CFAP418: variants seen among roughly 807,000 people sequenced by gnomAD.
The protein encoded by CFAP418 is cilia- and flagella-associated protein 418.
A neutral mutation model predicts 24.7 loss-of-function variants in CFAP418; 27 were observed. The ratio of observed to expected loss-of-function variants is 1.09; its 90% CI spans 0.81 to 1.51. The LOEUF (loss-of-function observed/expected upper bound fraction) is 1.51, where lower values mean the gene tolerates loss of function less well. CFAP418 is among the 40% of genes most tolerant of loss of function. The probability of loss-of-function intolerance (pLI) is 0.00; values close to 1 mark genes in which losing one functional copy is unlikely to be tolerated. For synonymous variants in CFAP418, 74 were observed against 87.3 expected (o/e 0.85, Z 0.85); for missense variants, 257 against 255.2 (o/e 1.01, Z -0.05).
In CFAP418 at chr8:95,260,486, A is replaced by G. The variant is rs1365130476; in HGVS notation, c.290T>C (p.Ile97Thr). The change falls in exon 3 of 6, where the codon ATT becomes ACT. Residue 97 changes from isoleucine to threonine, a missense_variant. Coordinates refer to ENST00000286688, the MANE Select transcript of CFAP418 (RefSeq NM_177965.4). Reference sequence around the variant, plus strand: ...AACTTACCTTTTACCAAGGCCTTCAATGGAAGCTCTGACAGATGTGTTACC... The same window carrying G: ...AACTTACCTTTTACCAAGGCCTTCAGTGGAAGCTCTGACAGATGTGTTACC... ...SSGNTSVRAS[I>T]EGLGKSCSPV... 2 of 1,590,010 alleles carry G rather than the reference A, an allele frequency of 1.3e-6. No homozygotes were observed. The highest frequency in any genetic ancestry group is 2.3e-5 in the East Asian group (1 of 43,652).
At chr8:95,250,757 C>T (rs184653271) in intron 5 of CFAP418, among the ~76,000 whole-genome samples, 102 of 152,262 alleles carry the variant, frequency 6.7e-4, no homozygotes, top group Non-Finnish European at 1.2e-3. Flanking sequence ...GGGTTGGAAA[C>T]TGTAAAATTT....
intron 4 of CFAP418, among the ~76,000 whole-genome samples, chr8:95,256,748 A>C (rs148054362): frequency 1.5e-4 from 23 of 152,384 alleles, no homozygotes; most frequent in Middle Eastern, 3.4e-3. Context: ...ATCAATCTGC[A>C]GTGTGTGAAT....
intron 4 of CFAP418, among the ~76,000 whole-genome samples, chr8:95,258,534 T>G (rs35432451): frequency 0.063 from 9,573 of 151,908 alleles, 396 homozygotes; most frequent in Non-Finnish European, 0.088. Flanking sequence ...AATAAAAAAA[T>G]TTATAAATGA....
At chr8:95,251,124 A>AATCATATAT (rs1250742916) in intron 5 of CFAP418, among the ~76,000 whole-genome samples, 6 of 152,246 alleles carry the variant, frequency 3.9e-5, no homozygotes, top group African/African-American at 1.2e-4. Flanking sequence ...AAATTATATA[A>AATCATATAT]ATATGAGCAA....
At position 95,247,672 on chromosome 8, in the gene CFAP418, T is replaced by C. The variant is rs1358403637; in HGVS notation, c.569A>G (p.Glu190Gly). The change falls in exon 6 of 6, where the codon GAA becomes GGA. Residue 190 changes from glutamate to glycine, a missense_variant. Transcript: ENST00000286688. ...ATGATCTGTCTGAAGGTCAGTCACT[T>C]CTTCAATAGTTCTCCAGCTACACTG... ...ACQCSWRTIE[E>G]VTDLQTDHQL... 6.2e-7 allele frequency: 1 copy of C among 1,614,208 alleles called. No homozygotes were observed. Among genetic ancestry groups the C allele is most frequent in the Non-Finnish European group, 8.5e-7 (1 of 1,180,022 alleles).
intron 2 of CFAP418, among the ~76,000 whole-genome samples, chr8:95,261,118 T>C (rs1811881591): frequency 6.6e-6 from 1 of 152,194 alleles, no homozygotes; most frequent in South Asian, 2.1e-4. Context: ...ATTTATTAAG[T>C]GTTAACTGGT....
rs558055414 is a variant in CFAP418, at chr8:95,256,004, G to A, written c.375-3721C>T. Among the ~76,000 whole-genome samples the A allele has an allele frequency of 8.5e-5, 13 of 152,324 alleles. No homozygotes were observed. The South Asian group carries it at 2.7e-3, about 32-fold the overall frequency. On this transcript the variant is annotated intron_variant, in intron 4 of 5. Coordinates refer to ENST00000286688, the MANE Select transcript of CFAP418 (RefSeq NM_177965.4). ...GGTATCTCTTCTTACAGCTGTGCAG[G>A]AGGTAGAAATCAGGTATAATTGATT...
chr8:95,260,427 C>A, intron 3 of CFAP418, 41 bp downstream of exon 3: 1 of 1,397,554 alleles, frequency 7.2e-7, no homozygotes, highest in African/African-American at 1.5e-5. Context: ...ATAGTGTTTG[C>A]TCAATAGTGT....
At chr8:95,256,185 TAATG>T (rs1052256011) in intron 4 of CFAP418, among the ~76,000 whole-genome samples, 1 of 152,216 alleles carries the variant, frequency 6.6e-6, no homozygotes, top group African/African-American at 2.4e-5. Context: ...AAGAAAATCT[TAATG>T]AAATGTTTAC....
chr8:95,250,767 T>C (rs1811694178), intron 5 of CFAP418, among the ~76,000 whole-genome samples: 1 of 152,206 alleles, frequency 6.6e-6, no homozygotes. Flanking sequence ...CTGTAAAATT[T>C]TTCAAGTTAT....
At chr8:95,258,132 C>T (rs1314487700) in intron 4 of CFAP418, among the ~76,000 whole-genome samples, 1 of 152,074 alleles carries the variant, frequency 6.6e-6, no homozygotes, top group East Asian at 1.9e-4. Flanking sequence ...CCTGTAATCC[C>T]AGCACCGTGG....
chr8:95,267,414 A>G (rs1812007608), intron 1 of CFAP418, among the ~76,000 whole-genome samples: 1 of 152,148 alleles, frequency 6.6e-6, no homozygotes, highest in Admixed American at 6.5e-5. Flanking sequence ...ATCCTGGCTA[A>G]CACGGTGAAA....
At chr8:95,247,841 A>AG in intron 5 of CFAP418, 71 bp from the exon 6 acceptor site, 10 of 1,288,186 alleles carry the variant, frequency 7.8e-6, no homozygotes, top group Non-Finnish European at 1.1e-5. Context: ...AAAAAAAAAA[A>AG]GGTCATTGCT....
Position 95,263,645 on chromosome 8 carries a change from A to G in CFAP418, c.243+42T>C, listed in dbSNP as rs527703861. 2.7e-5 allele frequency: 34 copies of G among 1,253,396 alleles called. No homozygotes were observed. The South Asian group carries it at 4.1e-4, about 15-fold the overall frequency. The allele number at this position is 1,253,396 out of a possible 1,614,324, so 77.6% of individuals were successfully genotyped here. On this transcript the variant is annotated intron_variant, in intron 2 of 5. Coordinates refer to ENST00000286688, the MANE Select transcript of CFAP418 (RefSeq NM_177965.4). ...TAAGACTATTCTAAACATGTCTTGA[A>G]ATAATGACAGAATTACTACATATTT...
Position 95,247,340 on chromosome 8 carries a change from A to G in CFAP418, c.*277T>C. 1 of 401,344 alleles carries G rather than the reference A, an allele frequency of 2.5e-6. No individual in the cohort carries two copies. The highest frequency in any genetic ancestry group is 4.5e-6 in the Non-Finnish European group (1 of 222,304). 24.9% of individuals were successfully genotyped at this position (401,344 alleles called of 1,614,324 possible). A position where few individuals can be genotyped will look rare whatever the true frequency, so the allele number is the denominator to read the frequency against. ...AAACTAGATATTTGTATGGAACTCCATAATCAAACCTCTATTAAACAGAAG... is the reference window on the plus strand; with the variant it reads ...AAACTAGATATTTGTATGGAACTCCGTAATCAAACCTCTATTAAACAGAAG... On this transcript the variant is annotated 3_prime_UTR_variant, in exon 6 of 6. Transcript: ENST00000286688.
chr8:95,255,593 TCTC>T (rs1811774966), intron 4 of CFAP418, among the ~76,000 whole-genome samples: 1 of 152,198 alleles, frequency 6.6e-6, no homozygotes, highest in Non-Finnish European at 1.5e-5. Context: ...TTAAAGCCCA[TCTC>T]CTCATCTAGA....
intron 2 of CFAP418, among the ~76,000 whole-genome samples, chr8:95,262,124 G>A (rs149436139): frequency 0.017 from 2,523 of 152,198 alleles, 43 homozygotes; most frequent in Non-Finnish European, 0.019. Flanking sequence ...GAAACCCCAC[G>A]TACAGAGGGC....
rs565495269 is a variant in CFAP418, at chr8:95,245,062, C to T, written c.*2555G>A. ...AAGAAGTTACCTGGCTTAAAAATAG[C>T]TACTTGCTAAAGATAGAAAATTATT... On this transcript the variant is annotated 3_prime_UTR_variant, in exon 6 of 6. Coordinates refer to ENST00000286688, the MANE Select transcript of CFAP418 (RefSeq NM_177965.4). The T allele has an allele frequency of 2.6e-5, 4 of 152,162 alleles. No homozygotes were observed. In the South Asian group the frequency reaches 6.2e-4, roughly 24 times the overall value. The allele number at this position is 152,162 out of a possible 1,614,324, so 9.4% of individuals were successfully genotyped here.
intron 4 of CFAP418, among the ~76,000 whole-genome samples, chr8:95,252,631 G>A (rs1359151144): frequency 6.6e-6 from 1 of 152,136 alleles, no homozygotes; most frequent in African/African-American, 2.4e-5. Flanking sequence ...TTCTTTAAAT[G>A]CTCCCCTTCC....
Sources: gnomAD v4.1 joint callset for allele counts (sites outside exome capture counted in the v4.1 genomes callset) on GRCh38, gnomAD v4.1.1 for gene constraint, MANE v1.5 for transcripts, NCBI Gene and HGNC (gene_info 2026-07-23, HGNC 2026-07-21) for gene names.